Variants in SLA2 observed in about 807,000 individuals in gnomAD.
SLA2 encodes src-like-adapter 2.
Under a neutral mutation model 27.3 loss-of-function variants are expected in SLA2, and 22 were observed. That is an observed-to-expected ratio of 0.81 (90% CI 0.58 to 1.15). The LOEUF (loss-of-function observed/expected upper bound fraction) is 1.15. Among genes scored for constraint, SLA2 ranks in the 50% most tolerant of loss-of-function variants. The pLI, the probability that SLA2 is intolerant of heterozygous loss-of-function variation, is 0.00. For synonymous variants in SLA2, 131 were observed against 137.8 expected (o/e 0.95, Z 0.34); for missense variants, 304 against 322.2 (o/e 0.94, Z 0.43).
At chr20:36,642,934 A>C (rs1435967667) in intron 1 of SLA2, among the ~76,000 whole-genome samples, 4 of 151,898 alleles carry the variant, frequency 2.6e-5, no homozygotes, top group Non-Finnish European at 4.4e-5. Context: ...GCTGTTCTTG[A>C]ACTCCTGGGC....
chr20:36,621,944 A>C (rs537285648), intron 5 of SLA2, among the ~76,000 whole-genome samples: 1 of 151,988 alleles, frequency 6.6e-6, no homozygotes, highest in East Asian at 2.0e-4. Flanking sequence ...TGAGCCTGTG[A>C]CGTTGAGGCT....
chr20:36,639,753 C>T (rs959666022), intron 2 of SLA2, among the ~76,000 whole-genome samples: 44 of 150,998 alleles, frequency 2.9e-4, no homozygotes, highest in Middle Eastern at 3.4e-3. Flanking sequence ...CCCAGCTACT[C>T]GGGAGGCTGA....
intron 2 of SLA2, among the ~76,000 whole-genome samples, chr20:36,636,959 C>A (rs531181600): frequency 8.6e-4 from 130 of 151,686 alleles, no homozygotes; most frequent in Non-Finnish European, 1.6e-3. Flanking sequence ...CCCCACCCCC[C>A]CCAAAAAAAG....
chr20:36,635,840 C>G (rs1434946916), intron 2 of SLA2, among the ~76,000 whole-genome samples: 3 of 152,140 alleles, frequency 2.0e-5, no homozygotes, highest in Non-Finnish European at 4.4e-5. Context: ...CTACACTGTC[C>G]CCCTGAATGG....
chr20:36,621,319 C>T (rs541057430), intron 5 of SLA2: 15 of 613,280 alleles, frequency 2.4e-5, no homozygotes, highest in South Asian at 1.9e-4. Flanking sequence ...AAATTATGGA[C>T]CTATGAAAGG....
intron 7 of SLA2, 105 bp from the exon 8 acceptor site, chr20:36,614,091 A>C: frequency 6.6e-7 from 1 of 1,520,720 alleles, no homozygotes; most frequent in Non-Finnish European, 8.9e-7. Flanking sequence ...CCTGCTGAGG[A>C]CCTCATGGGG....
At chr20:36,626,388 C>T (rs2039337626) in intron 5 of SLA2, among the ~76,000 whole-genome samples, 1 of 147,430 alleles carries the variant, frequency 6.8e-6, no homozygotes, top group South Asian at 2.1e-4. Flanking sequence ...GAGACTCCGT[C>T]TAAAAAAAAA....
chr20:36,616,333 T>A (rs62950761), intron 5 of SLA2, among the ~76,000 whole-genome samples: 7 of 137,930 alleles, frequency 5.1e-5, no homozygotes, highest in Admixed American at 7.2e-5. Context: ...TTTAATTTTC[T>A]TTTTTTTTTT....
intron 5 of SLA2, among the ~76,000 whole-genome samples, chr20:36,624,363 C>T (rs752944682): frequency 2.8e-4 from 43 of 152,334 alleles, no homozygotes; most frequent in Admixed American, 3.9e-4. Flanking sequence ...GCTGAGGACG[C>T]GCCTCCCTGA....
At chr20:36,622,538 CAA>C (rs766937288) in intron 5 of SLA2, among the ~76,000 whole-genome samples, 4 of 151,568 alleles carry the variant, frequency 2.6e-5, no homozygotes, top group Non-Finnish European at 4.4e-5. Flanking sequence ...TAAAATAACA[CAA>C]ATTATTATTT....
At chr20:36,614,058 C>T (rs892069451) in intron 7 of SLA2, 72 bp from the exon 8 acceptor site, 7 of 1,588,650 alleles carry the variant, frequency 4.4e-6, no homozygotes, top group Non-Finnish European at 5.1e-6. Flanking sequence ...CACAAAATTG[C>T]ACTGTTCTCA....
rs1039433610 is a variant in SLA2, at chr20:36,619,042, A to G, written c.383-3668T>C. ...AGAGATTGAGATGCGTCTGACTAAC[A>G]TGGTGAAACTCCATCTCTACAAAAA... On this transcript the variant is annotated intron_variant, in intron 5 of 7. Coordinates refer to ENST00000262866, the MANE Select transcript of SLA2 (RefSeq NM_032214.4). Among the ~76,000 whole-genome samples the G allele has an allele frequency of 5.9e-5, 9 of 151,480 alleles. No individual in the cohort carries two copies. In the South Asian group the frequency reaches 1.3e-3, roughly 21 times the overall value.
At chr20:36,626,385 C>T (rs2039337483) in intron 5 of SLA2, among the ~76,000 whole-genome samples, 2 of 141,350 alleles carry the variant, frequency 1.4e-5, no homozygotes, top group African/African-American at 3.0e-5. Flanking sequence ...AACGAGACTC[C>T]GTCTAAAAAA....
chr20:36,641,410 G>T, intron 1 of SLA2, 32 bp from the exon 2 acceptor site: 2 of 1,341,468 alleles, frequency 1.5e-6, no homozygotes, highest in Non-Finnish European at 2.1e-6. Context: ...GGACAGAGCC[G>T]AGGCTTCTGG....
chr20:36,640,862 G>A (rs763196007), intron 2 of SLA2, among the ~76,000 whole-genome samples: 1 of 152,136 alleles, frequency 6.6e-6, no homozygotes, highest in Non-Finnish European at 1.5e-5. Flanking sequence ...GGCTGGTGGC[G>A]ACTGCAATGG....
At chr20:36,637,624 C>CTTTTTTTTTTT (rs36100264) in intron 2 of SLA2, among the ~76,000 whole-genome samples, 1 of 80,944 alleles carries the variant, frequency 1.2e-5, no homozygotes, top group East Asian at 4.1e-4. Context: ...GTGAAGTTTG[C>CTTTTTTTTTTT]TTTTTTTTTT....
chr20:36,628,365 C>T (rs1412967280), intron 5 of SLA2, among the ~76,000 whole-genome samples: 1 of 152,156 alleles, frequency 6.6e-6, no homozygotes, highest in South Asian at 2.1e-4. Flanking sequence ...CAACCATGGT[C>T]ATGTTCTCTG....
In SLA2 at chr20:36,614,353, A is replaced by T; in HGVS notation, c.617T>A (p.Leu206Gln). 2 of 1,614,176 alleles carry T rather than the reference A, an allele frequency of 1.2e-6. No homozygotes were observed. The highest frequency in any genetic ancestry group is 1.7e-6 in the Non-Finnish European group (2 of 1,180,022). ...TGGTGTCCTCTGCACAGTCACAGGT[A>T]GGGGTATATCCTTGCCAGGGAGCGG... is the stretch of plus-strand genomic sequence containing the variant. ...AGPLPGKDIP[L>Q]PVTVQRTPLN... The change falls in exon 7 of 8, where the codon CTA (leucine) becomes CAA (glutamine). Residue 206 changes from leucine (L) to glutamine (Q), a missense_variant. Physicochemically the swap from Leu to Gln is moderately radical, Grantham distance 113. Transcript: ENST00000262866.
intron 5 of SLA2, among the ~76,000 whole-genome samples, chr20:36,629,722 C>T (rs866523629): frequency 1.3e-5 from 2 of 152,006 alleles, no homozygotes; most frequent in Non-Finnish European, 2.9e-5. Context: ...TGCAGTGAAC[C>T]GAGATCGCAC....
Sources: allele counts gnomAD v4.1 joint callset (sites outside exome capture counted in the v4.1 genomes callset), GRCh38; gene constraint gnomAD v4.1.1; transcripts MANE v1.5; gene names NCBI Gene and HGNC (gene_info 2026-07-23, HGNC 2026-07-21).